Variants in GPC5 observed in about 807,000 individuals in gnomAD.
The protein encoded by GPC5 is glypican 5.
A neutral mutation model predicts 53.9 loss-of-function variants in GPC5; 47 were observed. The ratio of observed to expected loss-of-function variants is 0.87; its 90% CI spans 0.69 to 1.11. The LOEUF (loss-of-function observed/expected upper bound fraction) is 1.11. GPC5 is among the 50% of genes most tolerant of loss of function. The pLI, the probability that GPC5 is intolerant of heterozygous loss-of-function variation, is 0.00. For synonymous variants in GPC5, 286 were observed against 263.3 expected (o/e 1.09, Z -0.84); for missense variants, 748 against 713.1 (o/e 1.05, Z -0.56).
chr13:92,091,888 G>A (rs1471791602), intron 6 of GPC5, among the ~76,000 whole-genome samples: 1 of 152,010 alleles, frequency 6.6e-6, no homozygotes, highest in African/African-American at 2.4e-5. Context: ...TACAGGCCAT[G>A]AGTTAACAAT....
chr13:92,757,578 C>G (rs1263795409), intron 7 of GPC5, among the ~76,000 whole-genome samples: 1 of 152,112 alleles, frequency 6.6e-6, no homozygotes, highest in Non-Finnish European at 1.5e-5. Flanking sequence ...TTGCATCCTA[C>G]TCATCTGAAA....
intron 7 of GPC5, among the ~76,000 whole-genome samples, chr13:92,398,273 C>CA (rs1875378887): frequency 6.7e-6 from 1 of 150,238 alleles, no homozygotes; most frequent in Non-Finnish European, 1.5e-5. Flanking sequence ...ACTAAAAATA[C>CA]AAAAAATTAG....
intron 7 of GPC5, among the ~76,000 whole-genome samples, chr13:92,609,971 T>TG (rs902696570): frequency 2.2e-5 from 3 of 133,366 alleles, no homozygotes; most frequent in Non-Finnish European, 3.1e-5. Context: ...GTGGACATTG[T>TG]GGTGAGCCTA....
chr13:91,971,779 A>G (rs1352829345), intron 6 of GPC5, among the ~76,000 whole-genome samples: 1 of 152,132 alleles, frequency 6.6e-6, no homozygotes, highest in Non-Finnish European at 1.5e-5. Flanking sequence ...AGCAGTTTTG[A>G]GTGAGTTTCT....
At chr13:91,887,165 G>T (rs1172368456) in intron 5 of GPC5, among the ~76,000 whole-genome samples, 1 of 152,138 alleles carries the variant, frequency 6.6e-6, no homozygotes, top group African/African-American at 2.4e-5. Context: ...TGACTTCTGT[G>T]CACCTGCAGG....
At chr13:91,446,367 C>T (rs1407008270) in intron 1 of GPC5, among the ~76,000 whole-genome samples, 3 of 152,126 alleles carry the variant, frequency 2.0e-5, no homozygotes. Flanking sequence ...TTCATTGAGG[C>T]ACATTACTGT....
chr13:92,638,321 G>A (rs1885478091), intron 7 of GPC5, among the ~76,000 whole-genome samples: 1 of 152,066 alleles, frequency 6.6e-6, no homozygotes, highest in Non-Finnish European at 1.5e-5. Flanking sequence ...ATAAAATGAG[G>A]CAGAGGTAAA....
intron 1 of GPC5, among the ~76,000 whole-genome samples, chr13:91,423,074 G>A (rs1241952324): frequency 6.6e-6 from 1 of 152,098 alleles, no homozygotes; most frequent in African/African-American, 2.4e-5. Flanking sequence ...GCACCATCTT[G>A]AAAAATAATC....
At chr13:91,659,146 C>T (rs978214890) in intron 2 of GPC5, among the ~76,000 whole-genome samples, 8 of 152,066 alleles carry the variant, frequency 5.3e-5, no homozygotes, top group African/African-American at 7.2e-5. Flanking sequence ...TTAAATATAG[C>T]CTTGTAATTG....
chr13:92,379,798 A>G (rs1443270871), intron 7 of GPC5, among the ~76,000 whole-genome samples: 2 of 152,048 alleles, frequency 1.3e-5, no homozygotes, highest in African/African-American at 4.8e-5. Context: ...TGCCTCTCTC[A>G]CTTACACATG....
chr13:91,572,343 G>T (rs1162209201), intron 2 of GPC5, among the ~76,000 whole-genome samples: 1 of 151,616 alleles, frequency 6.6e-6, no homozygotes, highest in African/African-American at 2.4e-5. Context: ...TTAAAGGACA[G>T]TCTGTATCTG....
intron 2 of GPC5, among the ~76,000 whole-genome samples, chr13:91,603,849 G>T (rs2033261857): frequency 6.6e-6 from 1 of 151,518 alleles, no homozygotes; most frequent in Non-Finnish European, 1.5e-5. Context: ...ATCTATATTG[G>T]TTTAAGTTTC....
chr13:91,704,795 A>T (rs375423808), intron 3 of GPC5, among the ~76,000 whole-genome samples: 38 of 152,340 alleles, frequency 2.5e-4, no homozygotes, highest in African/African-American at 8.7e-4. Flanking sequence ...TGGCTACCCT[A>T]ACCCCTTCCT....
At chr13:92,579,326 T>C (rs191576007) in intron 7 of GPC5, among the ~76,000 whole-genome samples, 1,432 of 113,918 alleles carry the variant, frequency 0.013, 69 homozygotes, top group African/African-American at 0.05. Flanking sequence ...TCCCTCCCTC[T>C]CTCTCTCTCT....
At chr13:91,520,196 GATGTTAA>G (rs1328850136) in intron 2 of GPC5, among the ~76,000 whole-genome samples, 16 of 152,136 alleles carry the variant, frequency 1.1e-4, no homozygotes, top group Admixed American at 8.5e-4. Context: ...TGATTTTAAA[GATGTTAA>G]ATGTGTGAAT....
At chr13:91,999,038 T>C (rs1000870565) in intron 6 of GPC5, among the ~76,000 whole-genome samples, 2 of 152,218 alleles carry the variant, frequency 1.3e-5, no homozygotes, top group Non-Finnish European at 2.9e-5. Flanking sequence ...AATTTTAATG[T>C]TGGCCATGTT....
chr13:92,256,707 A>G (rs2042728647), intron 7 of GPC5, among the ~76,000 whole-genome samples: 1 of 151,948 alleles, frequency 6.6e-6, no homozygotes. Context: ...TAAAAGCAAT[A>G]TTTTAGTCAG....
At chr13:91,541,851 A>G (rs2029953729) in intron 2 of GPC5, among the ~76,000 whole-genome samples, 1 of 151,818 alleles carries the variant, frequency 6.6e-6, no homozygotes, top group Non-Finnish European at 1.5e-5. Context: ...GATCATTCTT[A>G]TTTCTGACTT....
chr13:92,317,821 G>C (rs143479543), intron 7 of GPC5, among the ~76,000 whole-genome samples: 71 of 152,176 alleles, frequency 4.7e-4, no homozygotes, highest in African/African-American at 1.6e-3. Context: ...GTTTGAAAGA[G>C]ATTCCAGTTA....
Sources: allele counts gnomAD v4.1 joint callset (sites outside exome capture counted in the v4.1 genomes callset), GRCh38; gene constraint gnomAD v4.1.1; transcripts MANE v1.5; gene names NCBI Gene and HGNC (gene_info 2026-07-23, HGNC 2026-07-21).